TRIO: variants seen among roughly 807,000 people sequenced by gnomAD.
TRIO encodes trio Rho guanine nucleotide exchange factor.
A neutral mutation model predicts 351.9 loss-of-function variants in TRIO; 58 were observed. The observed-to-expected ratio is 0.16, with a 90% confidence interval of 0.13 to 0.21. The LOEUF (loss-of-function observed/expected upper bound fraction) is 0.21. Among genes scored for constraint, TRIO ranks in the 10% least tolerant of loss-of-function variants. The pLI is 1.00. For missense variants in TRIO, 3,201 were observed against 4,027.8 expected (o/e 0.79, Z 5.56); for synonymous variants, 1,758 against 1,595.7 (o/e 1.10, Z -2.42).
chr5:14,399,383 A>G, intron 30 of TRIO: 1 of 404,736 alleles, frequency 2.5e-6, no homozygotes, highest in Non-Finnish European at 4.4e-6. Flanking sequence ...CTTTATAAAT[A>G]AAATAATCAT....
chr5:14,239,956 C>T (rs1165336619), intron 1 of TRIO, among the ~76,000 whole-genome samples: 3 of 152,282 alleles, frequency 2.0e-5, no homozygotes, highest in South Asian at 2.1e-4. Flanking sequence ...TAAAAGTATT[C>T]GTATATAATT....
In TRIO at chr5:14,203,228, C is replaced by T. The variant is rs1190066546; in HGVS notation, c.157+59346C>T. 5.3e-5 allele frequency among the ~76,000 whole-genome samples: 8 copies of T among 151,496 alleles called. No individual in the cohort carries two copies. The East Asian group carries it at 1.3e-3, about 25-fold the overall frequency. Reference sequence around the variant, plus strand: ...CATTAAGGATTTTTCCAAAGAATGTCCTATAATAGGCAATTTGAAGAGAGA... The same window carrying T: ...CATTAAGGATTTTTCCAAAGAATGTTCTATAATAGGCAATTTGAAGAGAGA... On this transcript the variant is annotated intron_variant, in intron 1 of 56. Transcript: ENST00000344204.
chr5:14,475,275 A>G (rs918783714), intron 40 of TRIO, among the ~76,000 whole-genome samples: 2 of 152,074 alleles, frequency 1.3e-5, no homozygotes, highest in African/African-American at 4.8e-5. Flanking sequence ...TCCTGTCTTG[A>G]TGCAACTGCT....
intron 1 of TRIO, among the ~76,000 whole-genome samples, chr5:14,186,721 G>A (rs1247980750): frequency 5.9e-5 from 9 of 152,070 alleles, no homozygotes; most frequent in African/African-American, 1.4e-4. Flanking sequence ...GGGATTATAG[G>A]TGCATGCCAC....
intron 1 of TRIO, among the ~76,000 whole-genome samples, chr5:14,151,903 G>T (rs1490986633): frequency 6.6e-6 from 1 of 152,186 alleles, no homozygotes; most frequent in Non-Finnish European, 1.5e-5. Context: ...GCCAGGGCCT[G>T]CAGGAATAGC....
chr5:14,399,775 C>T (rs1330100239), intron 30 of TRIO, among the ~76,000 whole-genome samples: 1 of 152,218 alleles, frequency 6.6e-6, no homozygotes, highest in African/African-American at 2.4e-5. Context: ...CAGTGTACTT[C>T]CATCTAACTT....
chr5:14,293,884 A>G (rs1022854514), intron 6 of TRIO, among the ~76,000 whole-genome samples: 1 of 152,162 alleles, frequency 6.6e-6, no homozygotes, highest in Non-Finnish European at 1.5e-5. Flanking sequence ...CTTCAGGGAC[A>G]AGGAGTTTTG....
intron 1 of TRIO, among the ~76,000 whole-genome samples, chr5:14,255,856 ATTTCTGAT>A (rs986364457): frequency 2.6e-5 from 4 of 152,180 alleles, no homozygotes; most frequent in African/African-American, 9.6e-5. Context: ...AATTTGGAGC[ATTTCTGAT>A]TTTCTGATTA....
chr5:14,265,498 C>T (rs1795621717), intron 1 of TRIO, among the ~76,000 whole-genome samples: 1 of 152,050 alleles, frequency 6.6e-6, no homozygotes, highest in Non-Finnish European at 1.5e-5. Context: ...TGTAAAAATA[C>T]CATTTTTAAC....
chr5:14,173,863 CT>C (rs1448847741), intron 1 of TRIO, among the ~76,000 whole-genome samples: 1 of 152,208 alleles, frequency 6.6e-6, no homozygotes, highest in Non-Finnish European at 1.5e-5. Flanking sequence ...GTCTCTGTGA[CT>C]GTTACTCTCC....
intron 1 of TRIO, among the ~76,000 whole-genome samples, chr5:14,260,748 G>A (rs888960285): frequency 3.3e-5 from 5 of 152,172 alleles, no homozygotes; most frequent in African/African-American, 4.8e-5. Context: ...GTATCTTAAC[G>A]TTGTGGAGTA....
At chr5:14,430,538 G>A (rs543147594) in intron 34 of TRIO, among the ~76,000 whole-genome samples, 1 of 151,880 alleles carries the variant, frequency 6.6e-6, no homozygotes, top group East Asian at 1.9e-4. Context: ...AAAGTTCTTC[G>A]TGAATCCAAG....
At chr5:14,468,685 G>A (rs1329043497) in intron 37 of TRIO, among the ~76,000 whole-genome samples, 1 of 152,200 alleles carries the variant, frequency 6.6e-6, no homozygotes, top group Non-Finnish European at 1.5e-5. Context: ...AGATCCTTAA[G>A]CATCCACATG....
In TRIO at chr5:14,143,402, C is replaced by T. The variant is rs1036562911; in HGVS notation, c.-324C>T. ...GCGCCCGTGATCCCGGAGGTCTCGC[C>T]GGCCACGGGCCCCCGCCCTCGCGAC... On this transcript the variant is annotated 5_prime_UTR_variant, in exon 1 of 57. Coordinates refer to ENST00000344204, the MANE Select transcript of TRIO (RefSeq NM_007118.4). Among the ~76,000 whole-genome samples, 1 of 150,440 alleles carries T rather than the reference C, an allele frequency of 6.6e-6. No homozygotes were observed. Among genetic ancestry groups the T allele is most frequent in the Admixed American group, 6.6e-5 (1 of 15,126 alleles).
At chr5:14,495,447 C>G (rs1051944377) in intron 49 of TRIO, among the ~76,000 whole-genome samples, 1 of 152,036 alleles carries the variant, frequency 6.6e-6, no homozygotes, top group Non-Finnish European at 1.5e-5. Context: ...GGGTATAATG[C>G]TATCAGTGTC....
At chr5:14,235,488 C>T (rs1387032220) in intron 1 of TRIO, among the ~76,000 whole-genome samples, 1 of 152,142 alleles carries the variant, frequency 6.6e-6, no homozygotes, top group Non-Finnish European at 1.5e-5. Flanking sequence ...ATAAATATGT[C>T]TGTCATACAG....
At position 14,487,707 on chromosome 5, in the gene TRIO, A is replaced by G. The variant is rs1579802648; in HGVS notation, c.7079A>G (p.Gln2360Arg). ...CTGGTCTCCTCTGCAGCCTCGAGCC[A>G]GGCAGAGGCAGACAAGATGTCAGGT... is the stretch of plus-strand genomic sequence containing the variant. Reference protein sequence around the residue: ...PVLVSSAASSQAEADKMSGTS... With the variant: ...PVLVSSAASSRAEADKMSGTS... Residue 2360 changes from glutamine to arginine, a missense_variant, in exon 48 of 57, where the codon CAG (glutamine) becomes CGG (arginine). Around this residue, in one of 19 missense-constraint regions of TRIO, gnomAD observed 1,089 missense variants for 954.9 expected, o/e 1.14. Transcript: ENST00000344204. The G allele has an allele frequency of 1.4e-6, 2 of 1,432,456 alleles. No homozygotes were observed. Among genetic ancestry groups the G allele is most frequent in the African/African-American group, 3.0e-5 (2 of 66,020 alleles). The allele number at this position is 1,432,456 out of a possible 1,614,324, so 88.7% of individuals were successfully genotyped here.
intron 1 of TRIO, among the ~76,000 whole-genome samples, chr5:14,222,434 G>A (rs1248779976): frequency 6.6e-6 from 1 of 152,136 alleles, no homozygotes; most frequent in African/African-American, 2.4e-5. Context: ...TGATGTCTTA[G>A]TTCCCTTTCA....
chr5:14,332,100 A>AGT (rs1346233017), intron 10 of TRIO, among the ~76,000 whole-genome samples: 3 of 152,216 alleles, frequency 2.0e-5, no homozygotes, highest in Non-Finnish European at 4.4e-5. Flanking sequence ...TACTATCATT[A>AGT]GTAAATCTTT....
Sources: gnomAD v4.1 joint callset for allele counts (sites outside exome capture counted in the v4.1 genomes callset) on GRCh38, gnomAD v4.1.1 for gene constraint, gnomAD v4.1.1 regional missense constraint, MANE v1.5 for transcripts, NCBI Gene and HGNC (gene_info 2026-07-23, HGNC 2026-07-21) for gene names.